The following AJAP1 variants were observed in gnomAD, a reference collection of about 807,000 sequenced individuals.
The protein encoded by AJAP1 is adherens junctions associated protein 1.
A neutral mutation model predicts 35.0 loss-of-function variants in AJAP1; 5 were observed. That is an observed-to-expected ratio of 0.14 (90% CI 0.07 to 0.30). AJAP1 has a LOEUF of 0.30. Ranked by LOEUF, AJAP1 falls within the 10% of genes least tolerant of loss-of-function variation. The probability of loss-of-function intolerance (pLI) is 1.00; values close to 1 mark genes in which losing one functional copy is unlikely to be tolerated. For synonymous variants in AJAP1, 284 were observed against 249.3 expected (o/e 1.14, Z -1.31); for missense variants, 586 against 571.0 (o/e 1.03, Z -0.27).
chr1:4,673,549 C>T (rs1639292380), intron 1 of AJAP1, among the ~76,000 whole-genome samples: 2 of 152,218 alleles, frequency 1.3e-5, no homozygotes, highest in African/African-American at 4.8e-5. Flanking sequence ...GTGCCCTCCA[C>T]AGCTCTGCTC....
At chr1:4,666,859 C>T (rs376343916) in intron 1 of AJAP1, among the ~76,000 whole-genome samples, 1 of 137,540 alleles carries the variant, frequency 7.3e-6, no homozygotes, top group African/African-American at 2.8e-5. Flanking sequence ...CTGTGAATCA[C>T]AGGAGGGTGC....
chr1:4,655,504 C>A lies in AJAP1; in HGVS notation c.29+50C>A. 6.5e-7 allele frequency: 1 copy of A among 1,549,198 alleles called. No homozygotes were observed. Among genetic ancestry groups the A allele is most frequent in the Non-Finnish European group, 8.7e-7 (1 of 1,145,102 alleles). ...TGCGTGTGGGCGCGTGGGTGCCAGG[C>A]TGGGCGGAAGCGGCGCTTTCCTCTA... On this transcript the variant is annotated intron_variant, in intron 1 of 5. Coordinates refer to ENST00000378191, the MANE Select transcript of AJAP1 (RefSeq NM_018836.4). This position sits in a 1 kb window ranked among gnomAD's most constrained non-coding sequence, Gnocchi z 6.9.
chr1:4,762,909 A>T (rs1244926117), intron 2 of AJAP1, among the ~76,000 whole-genome samples: 1 of 152,190 alleles, frequency 6.6e-6, no homozygotes, highest in Non-Finnish European at 1.5e-5. Flanking sequence ...GGGTGACTCC[A>T]TGTTATGGAC....
At chr1:4,661,575 T>C (rs1363062517) in intron 1 of AJAP1, among the ~76,000 whole-genome samples, 1 of 152,268 alleles carries the variant, frequency 6.6e-6, no homozygotes, top group Non-Finnish European at 1.5e-5. Flanking sequence ...TCTGTGGCTT[T>C]CTTGTCTTAT....
At chr1:4,707,871 T>C (rs1011690903) in intron 1 of AJAP1, among the ~76,000 whole-genome samples, 1 of 151,868 alleles carries the variant, frequency 6.6e-6, no homozygotes, top group Non-Finnish European at 1.5e-5. Context: ...AACAGCATAC[T>C]AGGTCTCTCA....
intron 2 of AJAP1, among the ~76,000 whole-genome samples, chr1:4,750,848 C>G (rs544530128): frequency 6.8e-6 from 1 of 148,030 alleles, no homozygotes; most frequent in Admixed American, 6.8e-5. Context: ...TCCAGCAACA[C>G]GTTTATTGTC....
intron 2 of AJAP1, among the ~76,000 whole-genome samples, chr1:4,735,142 C>G (rs1419459996): frequency 6.6e-6 from 1 of 152,242 alleles, no homozygotes; most frequent in Non-Finnish European, 1.5e-5. Flanking sequence ...GCGGCAGGAG[C>G]ACACCCTTAC....
At chr1:4,687,720 G>A (rs949985243) in intron 1 of AJAP1, among the ~76,000 whole-genome samples, 14 of 152,296 alleles carry the variant, frequency 9.2e-5, no homozygotes, top group Middle Eastern at 3.4e-3. Context: ...CGAGAGCTCC[G>A]TGCTAAGGGA....
chr1:4,718,578 G>T (rs1246250981), intron 2 of AJAP1, among the ~76,000 whole-genome samples: 1 of 151,808 alleles, frequency 6.6e-6, no homozygotes, highest in African/African-American at 2.4e-5. Context: ...TGCCTCTCGG[G>T]TTCAAGCAAT....
intron 2 of AJAP1, among the ~76,000 whole-genome samples, chr1:4,758,157 G>A (rs758780542): frequency 2.0e-5 from 3 of 152,136 alleles, no homozygotes; most frequent in Non-Finnish European, 4.4e-5. Flanking sequence ...CTGTGAGTCA[G>A]TTAGACATGT....
chr1:4,749,916 A>G (rs1570192100), intron 2 of AJAP1, among the ~76,000 whole-genome samples: 1 of 152,072 alleles, frequency 6.6e-6, no homozygotes, highest in Non-Finnish European at 1.5e-5. Context: ...TTTTGTGCTC[A>G]TATATGCTAG....
chr1:4,675,593 C>T (rs977742778), intron 1 of AJAP1, among the ~76,000 whole-genome samples: 1 of 152,204 alleles, frequency 6.6e-6, no homozygotes, highest in Non-Finnish European at 1.5e-5. Context: ...TGACCCAAAG[C>T]CTCTAGCCTA....
chr1:4,684,783 A>G (rs894802403), intron 1 of AJAP1, among the ~76,000 whole-genome samples: 3 of 152,088 alleles, frequency 2.0e-5, no homozygotes, highest in East Asian at 1.9e-4. Flanking sequence ...TCTCCATGCA[A>G]TGGGATCGCC....
intron 1 of AJAP1, 67 bp from the exon 2 acceptor site, chr1:4,711,833 G>A: frequency 1.6e-6 from 2 of 1,289,710 alleles, no homozygotes; most frequent in South Asian, 1.7e-5. Flanking sequence ...GAGAGAGAGG[G>A]CCCCGGGGCC....
chr1:4,747,112 G>A (rs1472425496), intron 2 of AJAP1, among the ~76,000 whole-genome samples: 1 of 152,232 alleles, frequency 6.6e-6, no homozygotes, highest in Non-Finnish European at 1.5e-5. Flanking sequence ...GGAGACAGAT[G>A]TGGCATCAAA....
rs1444890939 is a variant in AJAP1, at chr1:4,788,695, T to C, written c.*6210T>C. On this transcript the variant is annotated 3_prime_UTR_variant, in exon 6 of 6. Coordinates refer to ENST00000378191, the MANE Select transcript of AJAP1 (RefSeq NM_018836.4). ...CATCTTCCATCTTATTTCACTTTGG[T>C]TGCAGGGAGTTAAATACATAGGCCA... 2.6e-5 allele frequency: 4 copies of C among 152,276 alleles called. No individual in the cohort carries two copies. Among genetic ancestry groups the C allele is most frequent in the Non-Finnish European group, 5.9e-5 (4 of 68,104 alleles). The allele number at this position is 152,276 out of a possible 1,614,324, so 9.4% of individuals were successfully genotyped here. A position where few individuals can be genotyped will look rare whatever the true frequency, so the allele number is the denominator to read the frequency against.
rs533757332 is a variant in AJAP1, at chr1:4,785,728, A to T, written c.*3243A>T. The T allele has an allele frequency of 6.6e-6, 1 of 152,080 alleles. No individual in the cohort carries two copies. Among genetic ancestry groups the T allele is most frequent in the African/African-American group, 2.4e-5 (1 of 41,416 alleles). 9.4% of individuals were successfully genotyped at this position (152,080 alleles called of 1,614,324 possible). A position where few individuals can be genotyped will look rare whatever the true frequency, so the allele number is the denominator to read the frequency against. ...CAGAGTCTAATAGTAGACACCTCCC[A>T]TCCCCCACCCAAGGCCTGGTCCTTT... On this transcript the variant is annotated 3_prime_UTR_variant, in exon 6 of 6. Coordinates refer to ENST00000378191, the MANE Select transcript of AJAP1 (RefSeq NM_018836.4).
intron 3 of AJAP1, among the ~76,000 whole-genome samples, chr1:4,770,450 G>C (rs989791048): frequency 1.3e-5 from 2 of 152,146 alleles, no homozygotes; most frequent in Admixed American, 1.3e-4. Flanking sequence ...GCCTGCCTTT[G>C]CCTATTTCCT....
intron 5 of AJAP1, among the ~76,000 whole-genome samples, chr1:4,780,943 C>T (rs138793243): frequency 2.6e-5 from 4 of 152,216 alleles, no homozygotes; most frequent in East Asian, 1.9e-4. Context: ...GTTGTCCACA[C>T]GGATGTCATT....
Sources: gnomAD v4.1 joint callset for allele counts (sites outside exome capture counted in the v4.1 genomes callset) on GRCh38, gnomAD v4.1.1 for gene constraint, Gnocchi (gnomAD v3.1) non-coding constraint, MANE v1.5 for transcripts, NCBI Gene and HGNC (gene_info 2026-07-23, HGNC 2026-07-21) for gene names.